CAP2: variants seen among roughly 807,000 people sequenced by gnomAD.
CAP2 encodes the protein cyclase associated actin cytoskeleton regulatory protein 2.
A neutral mutation model predicts 57.7 loss-of-function variants in CAP2; 24 were observed. That is an observed-to-expected ratio of 0.42 (90% CI 0.30 to 0.58). The LOEUF is 0.58. Among genes scored for constraint, CAP2 ranks in the 20% least tolerant of loss-of-function variants. The pLI is 0.22. For synonymous variants in CAP2, 194 were observed against 207.2 expected, an observed-to-expected ratio of 0.94 and a Z score of 0.55; for missense variants, 501 against 590.3, an observed-to-expected ratio of 0.85 and a Z score of 1.57.
In CAP2 at chr6:17,421,662, A is replaced by G. The variant is rs139953018; in HGVS notation, c.107A>G (p.Asn36Ser). 5.6e-6 allele frequency: 9 copies of G among 1,614,110 alleles called. No homozygotes were observed. The highest frequency in any genetic ancestry group is 7.6e-6 in the Non-Finnish European group (9 of 1,180,042). The change falls in exon 2 of 13, where the codon AAT becomes AGT. Residue 36 changes from asparagine to serine, a missense_variant. Transcript: ENST00000229922. The part of the protein sequence containing the change: ...HRPPGNCGEV[N>S]GVIAGVAPSV... ...CCCCCTGGGAACTGCGGGGAAGTCA[A>G]TGGTGTCATTGCAGGTAGGGTCACA...
At chr6:17,433,872 A>G (rs1020631026) in intron 3 of CAP2, among the ~76,000 whole-genome samples, 1 of 152,192 alleles carries the variant, frequency 6.6e-6, no homozygotes, top group Non-Finnish European at 1.5e-5. Flanking sequence ...GTTTGTTTCT[A>G]GAGCATACAA....
intron 4 of CAP2, among the ~76,000 whole-genome samples, chr6:17,494,353 G>A (rs1301665623): frequency 6.6e-6 from 1 of 151,884 alleles, no homozygotes; most frequent in South Asian, 2.1e-4. Flanking sequence ...TCCCTCAGTC[G>A]CTCCATTCCA....
intron 1 of CAP2, among the ~76,000 whole-genome samples, chr6:17,418,936 G>A: frequency 6.6e-6 from 1 of 152,222 alleles, no homozygotes; most frequent in Non-Finnish European, 1.5e-5. Flanking sequence ...GAAAAGAATA[G>A]ATGAGAAATT....
chr6:17,498,527 C>G (rs1314366031), intron 4 of CAP2, among the ~76,000 whole-genome samples: 2 of 151,972 alleles, frequency 1.3e-5, no homozygotes. Flanking sequence ...TCAGGGCTGC[C>G]CCGGAGGTCT....
At chr6:17,462,888 T>C (rs1671100396) in intron 3 of CAP2, 108 bp from the exon 4 acceptor site, 3 of 785,604 alleles carry the variant, frequency 3.8e-6, no homozygotes, top group East Asian at 2.5e-5. Flanking sequence ...TGTGAAGATA[T>C]ATTTTCATTT....
chr6:17,485,002 C>T (rs1401742886), intron 4 of CAP2, among the ~76,000 whole-genome samples: 1 of 152,186 alleles, frequency 6.6e-6, no homozygotes, highest in Non-Finnish European at 1.5e-5. Context: ...CAAACTCAAA[C>T]ACTATTGTCC....
chr6:17,539,168 C>G, intron 7 of CAP2, 101 bp from the exon 8 acceptor site: 1 of 1,098,970 alleles, frequency 9.1e-7, no homozygotes, highest in Non-Finnish European at 1.3e-6. Flanking sequence ...CAGGCTTCAA[C>G]CCCACTCTCT....
intron 7 of CAP2, among the ~76,000 whole-genome samples, chr6:17,538,659 T>C (rs1489342771): frequency 1.3e-5 from 2 of 152,234 alleles, no homozygotes; most frequent in Non-Finnish European, 2.9e-5. Context: ...TGAAAAGTCA[T>C]GTGGATCCTG....
chr6:17,480,373 T>C (rs1387647856), intron 4 of CAP2, among the ~76,000 whole-genome samples: 1 of 152,210 alleles, frequency 6.6e-6, no homozygotes. Context: ...TATTTTTCAT[T>C]TTAACAGGTG....
chr6:17,402,097 G>A (rs1450584649), intron 1 of CAP2, among the ~76,000 whole-genome samples: 1 of 152,304 alleles, frequency 6.6e-6, no homozygotes, highest in Non-Finnish European at 1.5e-5. Flanking sequence ...GTGCACAGGT[G>A]CTTTGAGAAT....
At chr6:17,459,763 T>C (rs1760674479) in intron 3 of CAP2, among the ~76,000 whole-genome samples, 1 of 152,180 alleles carries the variant, frequency 6.6e-6, no homozygotes, top group Non-Finnish European at 1.5e-5. Context: ...TGAGACCTGT[T>C]GAAAATTTGT....
chr6:17,530,559 C>G (rs536177224), intron 7 of CAP2, among the ~76,000 whole-genome samples: 13 of 152,098 alleles, frequency 8.5e-5, no homozygotes, highest in African/African-American at 2.9e-4. Flanking sequence ...CCATGAAGGA[C>G]AGTTCGAGGA....
chr6:17,413,398 A>T (rs1759191474), intron 1 of CAP2, among the ~76,000 whole-genome samples: 1 of 152,212 alleles, frequency 6.6e-6, no homozygotes, highest in Admixed American at 6.5e-5. Flanking sequence ...AAAGATACGA[A>T]GGCGGGCACC....
chr6:17,534,145 G>T (rs999362701), intron 7 of CAP2, among the ~76,000 whole-genome samples: 9 of 152,102 alleles, frequency 5.9e-5, no homozygotes, highest in African/African-American at 2.2e-4. Context: ...AATCCTGTAG[G>T]TCCTGGAAGC....
intron 7 of CAP2, among the ~76,000 whole-genome samples, chr6:17,515,798 C>T (rs1005360952): frequency 6.6e-6 from 1 of 152,172 alleles, no homozygotes; most frequent in Non-Finnish European, 1.5e-5. Context: ...CATAAGATCA[C>T]AGCCTGTGTC....
Position 17,515,190 on chromosome 6 carries a change from C to G in CAP2, c.636+1236C>G, listed in dbSNP as rs561510302. The stretch of plus-strand genomic sequence containing the variant: ...TCAGCCTGGGTGACAGAGCAAGACT[C>G]TGTCTCAAAAAAAAAAAAAATGTGT... On this transcript the variant is annotated intron_variant, in intron 7 of 12. Coordinates refer to ENST00000229922, the MANE Select transcript of CAP2 (RefSeq NM_006366.3). Among the ~76,000 whole-genome samples, 484 of 149,710 alleles carry G rather than the reference C, an allele frequency of 3.2e-3. 3 individuals are homozygous for G. The highest frequency in any genetic ancestry group is 0.011 in the African/African-American group (456 of 40,684).
At chr6:17,533,937 G>A (rs1484296137) in intron 7 of CAP2, among the ~76,000 whole-genome samples, 1 of 152,174 alleles carries the variant, frequency 6.6e-6, no homozygotes, top group Non-Finnish European at 1.5e-5. Context: ...TTCCCAGTCT[G>A]AGGCGCTAAG....
At chr6:17,515,574 C>T (rs969234828) in intron 7 of CAP2, among the ~76,000 whole-genome samples, 4 of 151,990 alleles carry the variant, frequency 2.6e-5, no homozygotes. Flanking sequence ...AATATACCCA[C>T]GTAACAAACC....
At chr6:17,495,611 C>T (rs1433001294) in intron 4 of CAP2, among the ~76,000 whole-genome samples, 1 of 152,054 alleles carries the variant, frequency 6.6e-6, no homozygotes, top group Non-Finnish European at 1.5e-5. Flanking sequence ...GGATTTATGG[C>T]ATATGGAGCT....
Sources: gnomAD v4.1 joint callset for allele counts (sites outside exome capture counted in the v4.1 genomes callset) on GRCh38, gnomAD v4.1.1 for gene constraint, MANE v1.5 for transcripts, NCBI Gene and HGNC (gene_info 2026-07-23, HGNC 2026-07-21) for gene names.